Variants in ZNF221 observed in about 807,000 individuals in gnomAD.
ZNF221 encodes zinc finger protein 221.
ZNF221 carries 10 observed loss-of-function variants against 12.6 expected under a neutral mutation model. That is an observed-to-expected ratio of 0.79 (90% confidence interval 0.49 to 1.34). The LOEUF is 1.34. Ranked by LOEUF, ZNF221 falls within the 40% of genes most tolerant of loss-of-function variation. The pLI, the probability that ZNF221 is intolerant of heterozygous loss-of-function variation, is 0.00. For missense variants in ZNF221, 661 were observed against 721.4 expected (o/e 0.92, Z 0.96); for synonymous variants, 232 against 244.0 (o/e 0.95, Z 0.46).
chr19:43,977,054 A>C, the ZNF221 span: 2 of 152,246 alleles, frequency 1.3e-5, no homozygotes, highest in African/African-American at 2.4e-5. Context: ...ATAGATGTAC[A>C]ATAAAAAGAG....
downstream of ZNF221, among the ~76,000 whole-genome samples, chr19:43,969,006 A>C (rs1975039538): frequency 6.6e-6 from 1 of 152,162 alleles, no homozygotes; most frequent in South Asian, 2.1e-4. Flanking sequence ...CTAGCCCCAG[A>C]ATTCCTGGCA....
the ZNF221 span, among the ~76,000 whole-genome samples, chr19:43,979,422 C>CATATATATATAT: frequency 2.9e-5 from 4 of 138,534 alleles, no homozygotes; most frequent in African/African-American, 8.2e-5. Flanking sequence ...AACAGTAATA[C>CATATATATATAT]ATATATATAT....
downstream of ZNF221, among the ~76,000 whole-genome samples, chr19:43,970,403 T>G (rs1048780872): frequency 1.4e-4 from 21 of 152,146 alleles, no homozygotes; most frequent in African/African-American, 5.1e-4. Context: ...GGTACAGAAC[T>G]GGGCTGAGGC....
chr19:43,971,286 C>T (rs952077128), downstream of ZNF221, among the ~76,000 whole-genome samples: 1 of 152,156 alleles, frequency 6.6e-6, no homozygotes, highest in African/African-American at 2.4e-5. Flanking sequence ...AAAACCATTA[C>T]CAGCCACTAC....
downstream of ZNF221, among the ~76,000 whole-genome samples, chr19:43,969,688 C>G (rs1046081887): frequency 5.3e-5 from 8 of 152,172 alleles, no homozygotes; most frequent in South Asian, 2.1e-4. Context: ...CCATTCCTCC[C>G]CACTGTGTGG....
chr19:43,958,160 G>C (rs1266549887), intron 1 of ZNF221, among the ~76,000 whole-genome samples: 1 of 152,296 alleles, frequency 6.6e-6, no homozygotes, highest in Non-Finnish European at 1.5e-5. Flanking sequence ...CAGTTAAACA[G>C]GTTAAAATCC....
At chr19:43,980,469 A>G in the ZNF221 span, among the ~76,000 whole-genome samples, 3 of 152,250 alleles carry the variant, frequency 2.0e-5, no homozygotes, top group African/African-American at 7.2e-5. Flanking sequence ...ACTCAAAAGG[A>G]GAAATATTCA....
chr19:43,966,211 C>G lies in ZNF221; in HGVS notation c.709C>G (p.Gln237Glu). The G allele has an allele frequency of 6.2e-7, 1 of 1,614,190 alleles. No homozygotes were observed. Among genetic ancestry groups the G allele is most frequent in the East Asian group, 2.2e-5 (1 of 44,882 alleles). Reference protein sequence around the residue: ...KCDVCGKEFNQSSHLQTHQRV... With the variant: ...KCDVCGKEFNESSHLQTHQRV... The stretch of plus-strand genomic sequence containing the variant: ...TGATGTGTGTGGTAAGGAATTTAAT[C>G]AGAGCTCACATCTGCAAACTCATCA... Residue 237 changes from glutamine to glutamate, a missense_variant, in exon 5 of 5, where the codon CAG becomes GAG. By Grantham distance (29) the Gln-to-Glu change is conservative. Coordinates refer to ENST00000587682, the MANE Select transcript of ZNF221 (RefSeq NM_001297588.2).
rs563409485 is a variant in ZNF221 at position 43,960,535 on chromosome 19, A to C, written c.-2-2190A>C. On this transcript the variant is annotated intron_variant, in intron 1 of 4. Transcript: ENST00000587682. ...AGACAATGGGAAAAAGACCTGGAAG[A>C]CATTTCAGAAGTCTTCAGGAAAGTC... is the stretch of plus-strand genomic sequence containing the variant. Among the ~76,000 whole-genome samples, 4 of 152,352 alleles carry C rather than the reference A, an allele frequency of 2.6e-5. No individual in the cohort carries two copies. In the South Asian group the frequency reaches 8.3e-4, roughly 32 times the overall value.
the ZNF221 span, among the ~76,000 whole-genome samples, chr19:43,978,177 GAAGA>G: frequency 1.7e-4 from 2 of 11,686 alleles, no homozygotes; most frequent in Non-Finnish European, 1.3e-3. Flanking sequence ...CCAACTCTAA[GAAGA>G]AGAGCAAGTG....
rs1209142303 is a variant in ZNF221, at chr19:43,951,333, C to T, written c.-70C>T. On this transcript the variant is annotated 5_prime_UTR_variant, in exon 1 of 5. Coordinates refer to ENST00000587682, the MANE Select transcript of ZNF221 (RefSeq NM_001297588.2). Reference sequence around the variant, plus strand: ...GCAGGCCCTTCTGAATTTCCTGGACCTACTCTCGGAACCCTCAACGAGCTA... The same window carrying T: ...GCAGGCCCTTCTGAATTTCCTGGACTTACTCTCGGAACCCTCAACGAGCTA... The T allele has an allele frequency of 2.0e-5, 3 of 152,274 alleles. No homozygotes were observed. The East Asian group carries it at 5.8e-4, about 29-fold the overall frequency. 9.4% of individuals were successfully genotyped at this position (152,274 alleles called of 1,614,324 possible).
At chr19:43,964,797 A>G (rs1974908762) in intron 2 of ZNF221, among the ~76,000 whole-genome samples, 153 bp from the exon 3 acceptor site, 1 of 152,254 alleles carries the variant, frequency 6.6e-6, no homozygotes, top group South Asian at 2.1e-4. Flanking sequence ...TTGTCAGGAT[A>G]TAGGCAGAAT....
intron 2 of ZNF221, 42 bp from the exon 3 acceptor site, chr19:43,964,908 C>T (rs1974910526): frequency 6.2e-7 from 1 of 1,613,228 alleles, no homozygotes; most frequent in Non-Finnish European, 8.5e-7. Context: ...TTTGAATAAT[C>T]ATTGGTCATA....
chr19:43,960,649 A>G (rs1286772793), intron 1 of ZNF221, among the ~76,000 whole-genome samples: 1 of 152,190 alleles, frequency 6.6e-6, no homozygotes, highest in Non-Finnish European at 1.5e-5. Flanking sequence ...GCCTCAAGAC[A>G]TTGTGCCCTG....
the ZNF221 span, among the ~76,000 whole-genome samples, chr19:43,980,798 G>A: frequency 6.6e-6 from 1 of 152,160 alleles, no homozygotes; most frequent in African/African-American, 2.4e-5. Context: ...TCCTCATTGA[G>A]GCGTGCTACT....
chr19:43,980,801 G>A, the ZNF221 span, among the ~76,000 whole-genome samples: 18 of 152,292 alleles, frequency 1.2e-4, no homozygotes, highest in African/African-American at 3.1e-4. Flanking sequence ...TCATTGAGGC[G>A]TGCTACTTTG....
intron 1 of ZNF221, among the ~76,000 whole-genome samples, chr19:43,952,496 A>G (rs1428522514): frequency 3.3e-5 from 5 of 152,252 alleles, no homozygotes; most frequent in African/African-American, 4.8e-5. Flanking sequence ...TTATACAAAG[A>G]AATTCACGTA....
At chr19:43,961,415 T>A (rs1426391998) in intron 1 of ZNF221, among the ~76,000 whole-genome samples, 1 of 152,198 alleles carries the variant, frequency 6.6e-6, no homozygotes, top group Non-Finnish European at 1.5e-5. Context: ...AGTGTCTTGG[T>A]AAGAGGCATT....
the ZNF221 span, among the ~76,000 whole-genome samples, chr19:43,980,258 A>C: frequency 1.3e-5 from 2 of 152,234 alleles, no homozygotes; most frequent in African/African-American, 4.8e-5. Context: ...TATAGGCAGG[A>C]GGATTCTCTT....
Sources: gnomAD v4.1 joint callset for allele counts (sites outside exome capture counted in the v4.1 genomes callset) on GRCh38, gnomAD v4.1.1 for gene constraint, MANE v1.5 for transcripts, NCBI Gene and HGNC (gene_info 2026-07-23, HGNC 2026-07-21) for gene names.